Variants in C16orf78 observed in about 807,000 individuals in gnomAD.
C16orf78 encodes the protein chromosome 16 open reading frame 78.
A neutral mutation model predicts 27.3 loss-of-function variants in C16orf78; 19 were observed. The ratio of observed to expected loss-of-function variants is 0.70; its 90% CI spans 0.49 to 1.02. The LOEUF is 1.02. Among genes scored for constraint, C16orf78 ranks in the 50% least tolerant of loss-of-function variants. C16orf78 has a pLI of 0.00. For missense variants in C16orf78, 339 were observed against 337.0 expected, an observed-to-expected ratio of 1.01 and a Z score of -0.05; for synonymous variants, 130 against 116.1, an observed-to-expected ratio of 1.12 and a Z score of -0.77.
At chr16:49,383,376 A>G (rs145425525) in intron 3 of C16orf78, among the ~76,000 whole-genome samples, 28 of 152,334 alleles carry the variant, frequency 1.8e-4, no homozygotes, top group Non-Finnish European at 3.2e-4. Flanking sequence ...ACCATGCCCA[A>G]TGTTAGCTTG....
chr16:49,374,172 T>G, intron 1 of C16orf78, 83 bp downstream of exon 1: 1 of 1,522,940 alleles, frequency 6.6e-7, no homozygotes, highest in Non-Finnish European at 8.9e-7. Flanking sequence ...TTAACTCTCC[T>G]GAAACAAAAG....
At chr16:49,389,838 C>T (rs1477858282) in intron 3 of C16orf78, among the ~76,000 whole-genome samples, 3 of 152,146 alleles carry the variant, frequency 2.0e-5, no homozygotes, top group African/African-American at 7.2e-5. Context: ...TGTGTTTACT[C>T]ACATATTTAA....
rs776198743 is a variant in C16orf78, at chr16:49,396,677, C to T, written c.649C>T (p.Arg217Ter). Residue 217 changes from arginine to a stop codon, truncating the protein, a stop_gained and splice_region_variant, in exon 4 of 5, where the codon CGA becomes TGA. Transcript: ENST00000299191. LOFTEE classifies it low-confidence loss of function (END_TRUNC). The part of the protein sequence containing the change: ...MLKPEEVLSC[R>*]YLRLSKENIR... ...GAAGCCAGAGGAGGTGCTGAGCTGC[C>T]GGTGAGAGCTGCCACCCCCTGGGCA... is the stretch of plus-strand genomic sequence containing the variant. 14 of 1,605,638 alleles carry T rather than the reference C, an allele frequency of 8.7e-6. No individual in the cohort carries two copies. Among genetic ancestry groups the T allele is most frequent in the South Asian group, 6.6e-5 (6 of 90,984 alleles).
At chr16:49,380,411 G>A (rs1309369398) in intron 3 of C16orf78, among the ~76,000 whole-genome samples, 1 of 152,072 alleles carries the variant, frequency 6.6e-6, no homozygotes, top group Non-Finnish European at 1.5e-5. Context: ...ATGCCTTATG[G>A]GAAGCCCCAT....
chr16:49,377,675 A>T, intron 1 of C16orf78, 56 bp from the exon 2 acceptor site: 1 of 1,570,684 alleles, frequency 6.4e-7, no homozygotes. Flanking sequence ...GGGGAAAGGG[A>T]GGGGATGCTG....
At chr16:49,383,955 A>G (rs1390211347) in intron 3 of C16orf78, among the ~76,000 whole-genome samples, 9 of 152,232 alleles carry the variant, frequency 5.9e-5, no homozygotes, top group Non-Finnish European at 1.2e-4. Context: ...AATCCTCTTA[A>G]GGACATTCAC....
intron 3 of C16orf78, among the ~76,000 whole-genome samples, chr16:49,389,116 C>T (rs144742194): frequency 1.0e-3 from 152 of 152,226 alleles, no homozygotes; most frequent in Non-Finnish European, 1.6e-3. Context: ...CCTTCATTAG[C>T]TTCCTAGTTA....
rs113384143 is a variant in C16orf78 at position 49,375,337 on chromosome 16, A to T, written c.150+1248A>T. Among the ~76,000 whole-genome samples, 1,040 of 152,258 alleles carry T rather than the reference A, an allele frequency of 6.8e-3. 14 individuals carry two copies. The highest frequency in any genetic ancestry group is 0.024 in the African/African-American group (982 of 41,512). The stretch of plus-strand genomic sequence containing the variant: ...GAGACTGGGTCATTTATTTAAAAAA[A>T]AAATAAAAAAAAATGTTTAATTGGC... On this transcript the variant is annotated intron_variant, in intron 1 of 4. Coordinates refer to ENST00000299191, the MANE Select transcript of C16orf78 (RefSeq NM_144602.4).
intron 2 of C16orf78, 69 bp downstream of exon 2, chr16:49,377,919 C>T: frequency 6.6e-7 from 1 of 1,524,802 alleles, no homozygotes; most frequent in Non-Finnish European, 8.8e-7. Context: ...CCCTGCTTCT[C>T]TCCTGCATAA....
chr16:49,398,383 C>A (rs1965498956), intron 4 of C16orf78, among the ~76,000 whole-genome samples: 1 of 152,216 alleles, frequency 6.6e-6, no homozygotes, highest in Admixed American at 6.5e-5. Flanking sequence ...CTCTCTGGAT[C>A]ACACAGTACA....
At position 49,383,933 on chromosome 16, in the gene C16orf78, A is replaced by G. The variant is rs79133859; in HGVS notation, c.394+5340A>G. ...TGCAGCTCTATGAATTGACTGACAA[A>G]TAATTCAGAATAATCCTCTTAAGGA... On this transcript the variant is annotated intron_variant, in intron 3 of 4. Transcript: ENST00000299191. Among the ~76,000 whole-genome samples, 640 of 152,336 alleles carry G rather than the reference A, an allele frequency of 4.2e-3. 5 individuals carry two copies. The highest frequency in any genetic ancestry group is 0.014 in the African/African-American group (594 of 41,564).
At chr16:49,382,026 A>G (rs2151611978) in intron 3 of C16orf78, among the ~76,000 whole-genome samples, 1 of 152,270 alleles carries the variant, frequency 6.6e-6, no homozygotes, top group Non-Finnish European at 1.5e-5. Flanking sequence ...AATGTCCAAC[A>G]ATGATAGACT....
chr16:49,395,120 A>G (rs1016850883), intron 3 of C16orf78, among the ~76,000 whole-genome samples: 39 of 150,504 alleles, frequency 2.6e-4, no homozygotes, highest in African/African-American at 9.5e-4. Context: ...CTGATCTTGA[A>G]CTCCTGGGCT....
intron 4 of C16orf78, among the ~76,000 whole-genome samples, chr16:49,398,418 T>G (rs1478144792): frequency 1.3e-5 from 2 of 152,248 alleles, no homozygotes; most frequent in Non-Finnish European, 2.9e-5. Flanking sequence ...CATTCTTCAG[T>G]ATCAGAATTA....
At chr16:49,394,442 A>C (rs1430463167) in intron 3 of C16orf78, among the ~76,000 whole-genome samples, 1 of 151,520 alleles carries the variant, frequency 6.6e-6, no homozygotes, top group African/African-American at 2.4e-5. Flanking sequence ...TTACATCAAC[A>C]TATTAAAGGA....
intron 1 of C16orf78, 141 bp downstream of exon 1, chr16:49,374,230 G>C (rs1176655005): frequency 1.0e-6 from 1 of 952,506 alleles, no homozygotes; most frequent in African/African-American, 1.7e-5. Context: ...AACTACCCAA[G>C]GACATTAAGG....
chr16:49,381,747 T>G (rs1220602740), intron 3 of C16orf78, among the ~76,000 whole-genome samples: 2 of 151,006 alleles, frequency 1.3e-5, no homozygotes, highest in African/African-American at 4.9e-5. Context: ...TGGCAATCAT[T>G]AAAAAGTCAG....
rs150674263 is a variant in C16orf78 at position 49,378,542 on chromosome 16, C to T, written c.343C>T (p.His115Tyr). 2 of 1,613,548 alleles carry T rather than the reference C, an allele frequency of 1.2e-6. No homozygotes were observed. Among genetic ancestry groups the T allele is most frequent in the Non-Finnish European group, 8.5e-7 (1 of 1,179,756 alleles). The change falls in exon 3 of 5, where the codon CAC becomes TAC. Residue 115 changes from histidine to tyrosine, a missense_variant. His to Tyr is a moderately conservative substitution (Grantham distance 83, BLOSUM62 2). Transcript: ENST00000299191. Reference sequence around the variant, plus strand: ...CTATGGAGTGGAGCAAAAGGGGAAACACCTCAGCATGGTCCCTGGCAGCTA... The same window carrying T: ...CTATGGAGTGGAGCAAAAGGGGAAATACCTCAGCATGGTCCCTGGCAGCTA... ...SLYGVEQKGK[H>Y]LSMVPGSYIK...
At chr16:49,383,393 C>T (rs1169385627) in intron 3 of C16orf78, among the ~76,000 whole-genome samples, 2 of 152,180 alleles carry the variant, frequency 1.3e-5, no homozygotes, top group African/African-American at 4.8e-5. Context: ...CTTGGGTTGC[C>T]ATAGTCAAAG....
Sources: gnomAD v4.1 joint callset for allele counts (sites outside exome capture counted in the v4.1 genomes callset) on GRCh38, gnomAD v4.1.1 for gene constraint, MANE v1.5 for transcripts, NCBI Gene and HGNC (gene_info 2026-07-23, HGNC 2026-07-21) for gene names.